The following NBEA variants were observed in gnomAD, a reference collection of about 807,000 sequenced individuals.
NBEA encodes the protein lysosomal-trafficking regulator 2.
NBEA carries 44 observed loss-of-function variants against 343.4 expected under a neutral mutation model. That is an observed-to-expected ratio of 0.13 (90% confidence interval 0.10 to 0.16). NBEA has a LOEUF of 0.16. NBEA is among the 10% of genes least tolerant of loss of function. The pLI, the probability that NBEA is intolerant of heterozygous loss-of-function variation, is 1.00. For synonymous variants in NBEA, 1,175 were observed against 1,238.7 expected (o/e 0.95, Z 1.08); for missense variants, 2,555 against 3,631.3 (o/e 0.70, Z 7.62).
At chr13:34,957,787 A>G in intron 1 of NBEA, among the ~76,000 whole-genome samples, 1 of 152,148 alleles carries the variant, frequency 6.6e-6, no homozygotes, top group East Asian at 1.9e-4. Flanking sequence ...TAAATTTATT[A>G]CCTTTATTAT....
chr13:35,184,535 A>C (rs1026329246), intron 30 of NBEA, among the ~76,000 whole-genome samples: 2 of 152,116 alleles, frequency 1.3e-5, no homozygotes, highest in African/African-American at 4.8e-5. Flanking sequence ...AATATTAGAC[A>C]TCCAACAAAA....
chr13:35,408,015 A>G (rs1182259416), intron 38 of NBEA, among the ~76,000 whole-genome samples: 1 of 152,198 alleles, frequency 6.6e-6, no homozygotes, highest in African/African-American at 2.4e-5. Flanking sequence ...AAACTATTTT[A>G]AAATTCATAT....
intron 49 of NBEA, among the ~76,000 whole-genome samples, chr13:35,645,595 C>G (rs1026624342): frequency 6.6e-6 from 1 of 151,980 alleles, no homozygotes; most frequent in Admixed American, 6.6e-5. Flanking sequence ...AGATTTATTT[C>G]TTTTTTGGGT....
chr13:35,569,341 G>A (rs189910822), intron 45 of NBEA, among the ~76,000 whole-genome samples: 62 of 152,202 alleles, frequency 4.1e-4, no homozygotes, highest in Non-Finnish European at 6.8e-4. Context: ...AACATAAATT[G>A]AATAGCCATT....
chr13:35,083,913 C>T (rs564513727), intron 10 of NBEA, among the ~76,000 whole-genome samples: 35 of 152,026 alleles, frequency 2.3e-4, no homozygotes, highest in African/African-American at 8.0e-4. Flanking sequence ...CAAAAAAAGG[C>T]GGAGATTGTG....
intron 34 of NBEA, among the ~76,000 whole-genome samples, chr13:35,254,597 C>T (rs2032368934): frequency 6.6e-6 from 1 of 152,040 alleles, no homozygotes; most frequent in Non-Finnish European, 1.5e-5. Context: ...GTTGAAATTA[C>T]AAGCATGAGC....
chr13:35,503,186 T>C (rs922858825), intron 41 of NBEA, among the ~76,000 whole-genome samples: 7 of 151,748 alleles, frequency 4.6e-5, no homozygotes, highest in African/African-American at 1.7e-4. Context: ...TACTCATTGG[T>C]TTTTTCTAAT....
chr13:35,186,346 C>G (rs967157689), intron 30 of NBEA: 1 of 152,042 alleles, frequency 6.6e-6, no homozygotes, highest in African/African-American at 2.4e-5. Context: ...TAGGAATGAT[C>G]TGATTTTGTT....
At chr13:35,166,366 T>G (rs1593580864) in intron 24 of NBEA, among the ~76,000 whole-genome samples, 1 of 152,244 alleles carries the variant, frequency 6.6e-6, no homozygotes, top group Non-Finnish European at 1.5e-5. Flanking sequence ...TGCTTATTTG[T>G]TTTATGATGA....
At chr13:34,964,272 A>T (rs1027094381) in intron 1 of NBEA, among the ~76,000 whole-genome samples, 9 of 152,108 alleles carry the variant, frequency 5.9e-5, no homozygotes, top group Non-Finnish European at 1.2e-4. Context: ...AATATATTGA[A>T]GCTTTGATTC....
chr13:35,289,185 T>C (rs2035635978), intron 34 of NBEA, among the ~76,000 whole-genome samples: 1 of 151,866 alleles, frequency 6.6e-6, no homozygotes, highest in African/African-American at 2.4e-5. Context: ...AATAACTGGT[T>C]TCACTTCGAT....
chr13:35,054,173 G>A (rs897254638), intron 6 of NBEA, among the ~76,000 whole-genome samples: 1 of 151,976 alleles, frequency 6.6e-6, no homozygotes, highest in African/African-American at 2.4e-5. Flanking sequence ...CTTTAGAAAT[G>A]CAAAGTTTAC....
intron 8 of NBEA, among the ~76,000 whole-genome samples, chr13:35,059,418 C>T (rs2063381488): frequency 6.6e-6 from 1 of 151,780 alleles, no homozygotes. Context: ...AAAACAAAGA[C>T]TCTAGGTAAG....
chr13:35,448,427 C>A (rs2046149112), intron 39 of NBEA, among the ~76,000 whole-genome samples: 1 of 152,102 alleles, frequency 6.6e-6, no homozygotes, highest in African/African-American at 2.4e-5. Context: ...TACATATATT[C>A]TCCGGCTTGC....
intron 34 of NBEA, among the ~76,000 whole-genome samples, chr13:35,254,601 C>T (rs533270550): frequency 6.6e-6 from 1 of 152,142 alleles, no homozygotes; most frequent in South Asian, 2.1e-4. Context: ...AAATTACAAG[C>T]ATGAGCCACC....
chr13:35,044,834 A>T, intron 2 of NBEA, 113 bp from the exon 3 acceptor site: 1 of 524,664 alleles, frequency 1.9e-6, no homozygotes, highest in Admixed American at 3.0e-5. Context: ...ATATATAGAG[A>T]GAGAGAGAGA....
In NBEA at chr13:35,070,755, G is replaced by A; in HGVS notation, c.1474G>A (p.Ala492Thr). Residue 492 changes from alanine to threonine, a missense_variant, in exon 10 of 59, where the codon GCA becomes ACA. By Grantham distance (58) the Ala-to-Thr change is moderately conservative. This residue lies in a region of NBEA where 360 missense variants were observed against 519.1 expected (regional missense o/e 0.69). Transcript: ENST00000379939. ...GATAGTAACACATTCAATTCATAGT[G>A]CAATTCATTCAATTGGAGGGATTCA... Reference protein sequence around the residue: ...KAIVTHSIHSAIHSIGGIQVL... With the variant: ...KAIVTHSIHSTIHSIGGIQVL... 4 of 1,607,528 alleles carry A rather than the reference G, an allele frequency of 2.5e-6. No homozygotes were observed. The highest frequency in any genetic ancestry group is 3.4e-6 in the Non-Finnish European group (4 of 1,176,932).
intron 41 of NBEA, among the ~76,000 whole-genome samples, chr13:35,545,562 A>G (rs2079025855): frequency 6.6e-6 from 1 of 152,240 alleles, no homozygotes; most frequent in South Asian, 2.1e-4. Context: ...TAATTTTACT[A>G]CAAAACTGTT....
chr13:35,209,399 T>C (rs1159137472), intron 32 of NBEA, among the ~76,000 whole-genome samples: 1 of 152,172 alleles, frequency 6.6e-6, no homozygotes, highest in Non-Finnish European at 1.5e-5. Context: ...TTCATATACA[T>C]AGATTATAAC....
Sources: allele counts gnomAD v4.1 joint callset (sites outside exome capture counted in the v4.1 genomes callset), GRCh38; gene constraint gnomAD v4.1.1; regional missense constraint gnomAD v4.1.1; transcripts MANE v1.5; gene names NCBI Gene and HGNC (gene_info 2026-07-23, HGNC 2026-07-21).